The following TP63 variants were observed in gnomAD, a reference collection of about 807,000 sequenced individuals.
TP63 encodes tumor protein p63.
A neutral mutation model predicts 82.8 loss-of-function variants in TP63; 17 were observed. The ratio of observed to expected loss-of-function variants is 0.21; its 90% CI spans 0.14 to 0.31. The LOEUF is 0.31. TP63 is among the 10% of genes least tolerant of loss of function. TP63 has a pLI of 1.00. For synonymous variants in TP63, 330 were observed against 321.7 expected (o/e 1.03, Z -0.28); for missense variants, 648 against 895.3 (o/e 0.72, Z 3.52).
chr3:189,771,333 A>ATATAT (rs1491284526), intron 3 of TP63, among the ~76,000 whole-genome samples: 56 of 123,516 alleles, frequency 4.5e-4, no homozygotes, highest in African/African-American at 1.8e-3. Flanking sequence ...TTTATATATA[A>ATATAT]TATATATTTA....
At chr3:189,793,633 G>A (rs1419047268) in intron 3 of TP63, among the ~76,000 whole-genome samples, 1 of 151,930 alleles carries the variant, frequency 6.6e-6, no homozygotes, top group Non-Finnish European at 1.5e-5. Context: ...TAGAATAGAG[G>A]GGCACAGGTA....
intron 1 of TP63, among the ~76,000 whole-genome samples, chr3:189,632,726 T>A (rs1175547553): frequency 6.6e-6 from 1 of 152,144 alleles, no homozygotes; most frequent in African/African-American, 2.4e-5. Context: ...TCTTGCTGTT[T>A]ACCACAAACA....
At chr3:189,682,117 C>G (rs1451476992) in intron 1 of TP63, among the ~76,000 whole-genome samples, 2 of 152,060 alleles carry the variant, frequency 1.3e-5, no homozygotes, top group Non-Finnish European at 2.9e-5. Flanking sequence ...CCTGTAGTCC[C>G]AGCTACTCAA....
intron 3 of TP63, among the ~76,000 whole-genome samples, chr3:189,780,483 A>C (rs1724144905): frequency 1.3e-5 from 2 of 152,058 alleles, no homozygotes; most frequent in South Asian, 2.1e-4. Flanking sequence ...TTTGGAAAAC[A>C]GTTTCCTCCA....
At chr3:189,748,011 A>AATAGAAGAC (rs1721507107) in intron 3 of TP63, among the ~76,000 whole-genome samples, 1 of 152,064 alleles carries the variant, frequency 6.6e-6, no homozygotes, top group Non-Finnish European at 1.5e-5. Context: ...ATAAGGAATA[A>AATAGAAGAC]ATAGAAGACC....
chr3:189,684,066 A>G (rs950212138), intron 1 of TP63, among the ~76,000 whole-genome samples: 3 of 152,220 alleles, frequency 2.0e-5, no homozygotes, highest in African/African-American at 2.4e-5. Context: ...GTGAGTGGGT[A>G]AGAGAAAACC....
At chr3:189,797,988 T>G (rs950411117) in intron 3 of TP63, among the ~76,000 whole-genome samples, 14 of 152,008 alleles carry the variant, frequency 9.2e-5, no homozygotes, top group African/African-American at 3.1e-4. Context: ...CTCTGTTTCT[T>G]CCTCATTGCT....
At chr3:189,821,272 A>G (rs1401733686) in intron 4 of TP63, among the ~76,000 whole-genome samples, 1 of 152,114 alleles carries the variant, frequency 6.6e-6, no homozygotes, top group Non-Finnish European at 1.5e-5. Context: ...TTCTTTTATT[A>G]TGGTTACTTT....
chr3:189,620,763 G>A, the TP63 span, among the ~76,000 whole-genome samples: 3 of 152,172 alleles, frequency 2.0e-5, no homozygotes, highest in Non-Finnish European at 4.4e-5. Context: ...AAATGTGACA[G>A]CAGAGTGAAT....
chr3:189,821,560 A>T (rs1728797572), intron 4 of TP63, among the ~76,000 whole-genome samples: 1 of 152,234 alleles, frequency 6.6e-6, no homozygotes, highest in Non-Finnish European at 1.5e-5. Context: ...ACGCTGCTAT[A>T]TGAACAGTGA....
intron 3 of TP63, among the ~76,000 whole-genome samples, chr3:189,786,071 T>A (rs925109429): frequency 6.6e-6 from 1 of 152,094 alleles, no homozygotes; most frequent in East Asian, 1.9e-4. Flanking sequence ...CTTTTTCACA[T>A]AGGGATGTCA....
intron 4 of TP63, among the ~76,000 whole-genome samples, chr3:189,858,768 G>T (rs1716635762): frequency 6.6e-6 from 1 of 152,100 alleles, no homozygotes; most frequent in African/African-American, 2.4e-5. Context: ...GACAGAGCAA[G>T]AACCTGTCTC....
At chr3:189,631,847 T>C (rs1266417404) in intron 1 of TP63, among the ~76,000 whole-genome samples, 1 of 152,188 alleles carries the variant, frequency 6.6e-6, no homozygotes, top group Non-Finnish European at 1.5e-5. Context: ...GTTTAAAATA[T>C]ATTATTTGCC....
At chr3:189,830,259 G>T (rs151057343) in intron 4 of TP63, among the ~76,000 whole-genome samples, 303 of 152,276 alleles carry the variant, frequency 2.0e-3, no homozygotes, top group African/African-American at 7.1e-3. Flanking sequence ...CAGTCTGCCA[G>T]AGTTCCTGAT....
At chr3:189,687,751 T>TGTA (rs1279074130) in intron 1 of TP63, among the ~76,000 whole-genome samples, 1 of 152,196 alleles carries the variant, frequency 6.6e-6, no homozygotes, top group Non-Finnish European at 1.5e-5. Context: ...CCATGAGTAT[T>TGTA]GTATCGTTAC....
intron 4 of TP63, among the ~76,000 whole-genome samples, chr3:189,822,631 T>C (rs1282409435): frequency 6.6e-6 from 1 of 152,190 alleles, no homozygotes; most frequent in Middle Eastern, 3.2e-3. Flanking sequence ...GATGTACAAG[T>C]GCCTTCAATA....
chr3:189,777,788 A>T (rs1160794056), intron 3 of TP63, among the ~76,000 whole-genome samples: 2 of 117,300 alleles, frequency 1.7e-5, no homozygotes, highest in African/African-American at 3.4e-5. Context: ...TATGTCTCCT[A>T]TACTAGATGA....
At chr3:189,800,103 ATAATC>A (rs1406332593) in intron 3 of TP63, among the ~76,000 whole-genome samples, 1 of 152,194 alleles carries the variant, frequency 6.6e-6, no homozygotes, top group Non-Finnish European at 1.5e-5. Context: ...ACAAAAGAGA[ATAATC>A]TGTCTGAACA....
In TP63 at chr3:189,886,492, A is replaced by G. The variant is rs992044215; in HGVS notation, c.1448A>G (p.Asn483Ser). 1.9e-6 allele frequency: 3 copies of G among 1,613,992 alleles called. No homozygotes were observed. In the African/African-American group the frequency reaches 4.0e-5, roughly 22 times the overall value. ...NKLPSVSQLINPQQRNALTPT... is the reference protein window; with the variant it reads ...NKLPSVSQLISPQQRNALTPT... ...CTGCCTTCTGTGAGCCAGCTTATCA[A>G]CCCTCAGCAGCGCAACGCCCTCACT... Residue 483 changes from asparagine to serine, a missense_variant, in exon 11 of 14, where the codon AAC becomes AGC. Transcript: ENST00000264731.
Sources: gnomAD v4.1 joint callset for allele counts (sites outside exome capture counted in the v4.1 genomes callset) on GRCh38, gnomAD v4.1.1 for gene constraint, MANE v1.5 for transcripts, NCBI Gene and HGNC (gene_info 2026-07-23, HGNC 2026-07-21) for gene names.